The following THOC2 variants were observed in gnomAD, a reference collection of about 807,000 sequenced individuals.
The protein encoded by THOC2 is THO complex 2.
In THOC2, 10 loss-of-function variants were observed where a neutral mutation model predicts 128.4. That is an observed-to-expected ratio of 0.08 (90% CI 0.05 to 0.13). The LOEUF (loss-of-function observed/expected upper bound fraction) is 0.13, where lower values mean the gene tolerates loss of function less well. Among genes scored for constraint, THOC2 ranks in the 10% least tolerant of loss-of-function variants. The pLI is 1.00. For missense variants in THOC2, 535 were observed against 1,155.7 expected (o/e 0.46, Z 7.79); for synonymous variants, 393 against 396.9 (o/e 0.99, Z 0.12).
intron 1 of THOC2, among the ~76,000 whole-genome samples, chrX:123,724,788 C>T (rs781686872): frequency 8.9e-6 from 1 of 111,889 alleles, no homozygotes; most frequent in African/African-American, 3.2e-5. Context: ...GTCTGTAATC[C>T]CAGCACTTTG....
At chrX:123,692,001 T>C (rs1401918946) in intron 7 of THOC2, among the ~76,000 whole-genome samples, 2 of 112,109 alleles carry the variant, frequency 1.8e-5, no homozygotes, top group African/African-American at 6.5e-5. Context: ...ACAGAAACCA[T>C]ATGGTCCACA....
intron 12 of THOC2, among the ~76,000 whole-genome samples, chrX:123,649,279 AG>A (rs1393232324): frequency 2.7e-5 from 3 of 111,921 alleles, no homozygotes; most frequent in Non-Finnish European, 5.6e-5. Flanking sequence ...ACCAACAAAT[AG>A]GATGTCCACA....
At chrX:123,622,537 C>T (rs907391039) in intron 30 of THOC2, among the ~76,000 whole-genome samples, 1 of 111,557 alleles carries the variant, frequency 9.0e-6, no homozygotes. Flanking sequence ...CCCTTCTACT[C>T]ATGAGGACTC....
At chrX:123,658,071 T>C in intron 12 of THOC2, among the ~76,000 whole-genome samples, 1 of 109,010 alleles carries the variant, frequency 9.2e-6, no homozygotes, top group Middle Eastern at 4.8e-3. Context: ...TATGCTGTTA[T>C]TGTAAGGTAC....
chrX:123,603,643 C>T, intron 38 of THOC2: 1 of 537,709 alleles, frequency 1.9e-6, no homozygotes, highest in Admixed American at 2.6e-5. Context: ...ATTAAATGGA[C>T]AGCACCAGAA....
At chrX:123,652,277 T>C (rs1178293831) in intron 12 of THOC2, among the ~76,000 whole-genome samples, 4 of 111,676 alleles carry the variant, frequency 3.6e-5, no homozygotes, top group Non-Finnish European at 7.5e-5. Flanking sequence ...CGATGGAACA[T>C]ATCTCAAAAT....
chrX:123,697,616 A>G, intron 5 of THOC2, 65 bp downstream of exon 5: 1 of 572,646 alleles, frequency 1.7e-6, no homozygotes, highest in Non-Finnish European at 2.8e-6. Context: ...CATTAACATG[A>G]TTAACTTCTA....
At chrX:123,703,361 AT>A (rs1307046833) in intron 4 of THOC2, 92 bp downstream of exon 4, 3 of 567,977 alleles carry the variant, frequency 5.3e-6, no homozygotes. Flanking sequence ...TTGCAGAAAC[AT>A]TTGTAAAATT....
At chrX:123,700,210 G>C (rs1007831769) in intron 4 of THOC2, among the ~76,000 whole-genome samples, 1 of 109,311 alleles carries the variant, frequency 9.1e-6, no homozygotes, top group Non-Finnish European at 1.9e-5. Flanking sequence ...GTCTGTTAAA[G>C]TTGCTATCAG....
chrX:123,625,705 T>C (rs780314701), intron 25 of THOC2, among the ~76,000 whole-genome samples: 1 of 111,527 alleles, frequency 9.0e-6, no homozygotes, highest in Admixed American at 9.5e-5. Flanking sequence ...CAGGTACTTA[T>C]GCTTTACAGA....
At chrX:123,603,350 AG>A (rs1436034565) in intron 38 of THOC2, 3 of 267,858 alleles carry the variant, frequency 1.1e-5, no homozygotes, top group Non-Finnish European at 2.0e-5. Context: ...TCAAAAGTAT[AG>A]GAGTTCACAC....
In THOC2 at chrX:123,644,661, G is replaced by A. The variant is rs779619533; in HGVS notation, c.1575C>T (p.Gly525=). 3.4e-5 allele frequency: 41 copies of A among 1,198,638 alleles called. No individual in the cohort carries two copies. The highest frequency in any genetic ancestry group is 4.4e-5 in the Non-Finnish European group (39 of 888,780). The change falls in exon 15 of 39, where the codon GGC becomes GGT. Residue 525 remains glycine, a synonymous_variant. Transcript: ENST00000245838. ...FPYQHRYRLY[G]QWKNETYNSH... is the part of the protein sequence containing the mutation. The stretch of plus-strand genomic sequence containing the variant: ...TGTTATAAGTTTCATTCTTCCACTG[G>A]CCATACAGACGATATCTTAAAAAAC...
chrX:123,655,445 A>G (rs1603276054), intron 12 of THOC2, among the ~76,000 whole-genome samples: 1 of 112,204 alleles, frequency 8.9e-6, no homozygotes, highest in African/African-American at 3.2e-5. Context: ...TCTAAGGCAC[A>G]TTCTCCTTGC....
chrX:123,693,312 A>C (rs918994314), intron 7 of THOC2, among the ~76,000 whole-genome samples: 17 of 111,333 alleles, frequency 1.5e-4, no homozygotes, highest in South Asian at 7.7e-4. Flanking sequence ...CACACACACA[A>C]AAAAATAGCT....
chrX:123,650,707 A>G (rs754909197), intron 12 of THOC2, among the ~76,000 whole-genome samples: 4 of 112,063 alleles, frequency 3.6e-5, no homozygotes, highest in Non-Finnish European at 7.5e-5. Flanking sequence ...AAAAAAGACA[A>G]AGAGAGGCAT....
chrX:123,613,676 C>T lies in THOC2; in HGVS notation c.4482G>A (p.Pro1494=), dbSNP rs769729950. 1.2e-5 allele frequency: 14 copies of T among 1,208,736 alleles called. No individual in the cohort carries two copies. Among genetic ancestry groups the T allele is most frequent in the Admixed American group, 6.6e-5 (3 of 45,635 alleles). ...CCTCTTTACGTCTCTTGGTTAAGTC[C>T]GGTGGCACTTCACGGTCGTTGTTTG... ...DHSNNDREVP[P]DLTKRRKEEN... Residue 1494 remains proline (P), a synonymous_variant, in exon 35 of 39, where the codon CCG becomes CCA. Coordinates refer to ENST00000245838, the MANE Select transcript of THOC2 (RefSeq NM_001081550.2).
chrX:123,708,075 T>C (rs2051012166), intron 2 of THOC2, among the ~76,000 whole-genome samples: 1 of 110,091 alleles, frequency 9.1e-6, no homozygotes. Flanking sequence ...TGCAATGAGT[T>C]GTGATAGCAC....
At chrX:123,601,994 T>C (rs2046301239) in intron 38 of THOC2, 1 of 112,858 alleles carries the variant, frequency 8.9e-6, no homozygotes, top group Non-Finnish European at 1.9e-5. Flanking sequence ...CCTTTATGTA[T>C]TGACATTTTT....
At chrX:123,722,368 C>T (rs2051740952) in intron 1 of THOC2, among the ~76,000 whole-genome samples, 1 of 111,733 alleles carries the variant, frequency 8.9e-6, no homozygotes, top group Admixed American at 9.6e-5. Context: ...ACATATATAC[C>T]ATGGAATACT....
Sources: allele counts gnomAD v4.1 joint callset (sites outside exome capture counted in the v4.1 genomes callset), GRCh38; gene constraint gnomAD v4.1.1; transcripts MANE v1.5; gene names NCBI Gene and HGNC (gene_info 2026-07-23, HGNC 2026-07-21).